KAZN: variants seen among roughly 807,000 people sequenced by gnomAD.
KAZN encodes the protein kazrin, periplakin interacting protein.
Under a neutral mutation model 87.4 loss-of-function variants are expected in KAZN, and 40 were observed. That is an observed-to-expected ratio of 0.46 (90% CI 0.36 to 0.60). KAZN has a LOEUF of 0.60. KAZN is among the 20% of genes least tolerant of loss of function. KAZN has a pLI of 0.00. For missense variants in KAZN, 898 were observed against 1,073.9 expected, an observed-to-expected ratio of 0.84 and a Z score of 2.29; for synonymous variants, 466 against 458.3, an observed-to-expected ratio of 1.02 and a Z score of -0.22.
intron 1 of KAZN, among the ~76,000 whole-genome samples, chr1:14,651,009 A>C (rs1638324612): frequency 6.6e-6 from 1 of 152,122 alleles, no homozygotes; most frequent in Non-Finnish European, 1.5e-5. Context: ...CTTTCCTAAA[A>C]CTCCATGAAT....
intron 2 of KAZN, among the ~76,000 whole-genome samples, chr1:14,429,221 C>T (rs1665909357): frequency 6.6e-6 from 1 of 152,124 alleles, no homozygotes; most frequent in East Asian, 1.9e-4. Flanking sequence ...AGGGTGAAAT[C>T]CCATCAGCAT....
At chr1:14,031,416 C>G (rs1253569942) in intron 1 of KAZN, among the ~76,000 whole-genome samples, 1 of 152,168 alleles carries the variant, frequency 6.6e-6, no homozygotes, top group Non-Finnish European at 1.5e-5. Context: ...GAAGATGTTG[C>G]GGGCAACCAG....
chr1:14,241,012 G>T (rs752037134), intron 2 of KAZN, among the ~76,000 whole-genome samples: 11 of 152,218 alleles, frequency 7.2e-5, no homozygotes, highest in Non-Finnish European at 1.2e-4. Context: ...TGTAAAGTGA[G>T]GATCACAATG....
chr1:14,189,822 C>A (rs1422908975), intron 2 of KAZN, among the ~76,000 whole-genome samples: 1 of 152,096 alleles, frequency 6.6e-6, no homozygotes, highest in African/African-American at 2.4e-5. Context: ...ATCTATCACA[C>A]AAACAAATCA....
At chr1:14,194,792 G>A (rs574815020) in intron 2 of KAZN, among the ~76,000 whole-genome samples, 2 of 152,250 alleles carry the variant, frequency 1.3e-5, no homozygotes, top group South Asian at 4.1e-4. Context: ...AGGGGAGGGG[G>A]ACATGAGCCA....
intron 2 of KAZN, among the ~76,000 whole-genome samples, chr1:14,266,636 G>A (rs1467308262): frequency 6.6e-6 from 1 of 152,182 alleles, no homozygotes; most frequent in African/African-American, 2.4e-5. Flanking sequence ...GTCAATGGTA[G>A]TCACAGCCAA....
At chr1:14,345,886 T>G (rs1417968) in intron 2 of KAZN, among the ~76,000 whole-genome samples, 1 of 152,156 alleles carries the variant, frequency 6.6e-6, no homozygotes, top group Non-Finnish European at 1.5e-5. Flanking sequence ...GGAAATAACA[T>G]GAGTGAAAAG....
intron 2 of KAZN, among the ~76,000 whole-genome samples, chr1:14,490,948 C>A (rs976911315): frequency 2.6e-5 from 4 of 152,088 alleles, no homozygotes; most frequent in Non-Finnish European, 4.4e-5. Context: ...AAAAATAAAT[C>A]CAAAGACTAT....
chr1:13,985,569 G>T (rs1368282795), intron 1 of KAZN, among the ~76,000 whole-genome samples: 1 of 110,420 alleles, frequency 9.1e-6, no homozygotes, highest in Admixed American at 1.1e-4. Context: ...GGTGGGGGGA[G>T]GGGGGAGGGA....
At chr1:14,645,468 G>A (rs1680743524) in intron 1 of KAZN, among the ~76,000 whole-genome samples, 1 of 152,104 alleles carries the variant, frequency 6.6e-6, no homozygotes, top group African/African-American at 2.4e-5. Context: ...TGTCTTCTCT[G>A]ATTTCTTTGA....
chr1:13,912,997 T>C (rs189284218), intron 1 of KAZN, among the ~76,000 whole-genome samples: 159 of 152,354 alleles, frequency 1.0e-3, no homozygotes, highest in South Asian at 3.3e-3. Context: ...GCATCCTGCA[T>C]GGCCCCTAAG....
At chr1:14,016,747 T>C (rs1640591277) in intron 1 of KAZN, among the ~76,000 whole-genome samples, 1 of 152,172 alleles carries the variant, frequency 6.6e-6, no homozygotes, top group African/African-American at 2.4e-5. Flanking sequence ...CAAGAGCTGG[T>C]GTGTCACTGA....
intron 1 of KAZN, among the ~76,000 whole-genome samples, chr1:14,714,777 T>C (rs1642691320): frequency 6.7e-6 from 1 of 148,162 alleles, no homozygotes. Flanking sequence ...ATTTTTCTTT[T>C]TTCTTTTTCT....
intron 2 of KAZN, among the ~76,000 whole-genome samples, chr1:14,962,579 T>A (rs1406424679): frequency 6.6e-6 from 1 of 152,162 alleles, no homozygotes; most frequent in Non-Finnish European, 1.5e-5. Context: ...GTCTCGGGAA[T>A]CTCCCACAAG....
At chr1:14,472,159 T>C (rs1170603779) in intron 2 of KAZN, among the ~76,000 whole-genome samples, 1 of 152,220 alleles carries the variant, frequency 6.6e-6, no homozygotes, top group Non-Finnish European at 1.5e-5. Flanking sequence ...TCATGAGGGC[T>C]CTGCCCTCAT....
chr1:14,277,866 G>A (rs1281920260), intron 2 of KAZN, among the ~76,000 whole-genome samples: 1 of 151,992 alleles, frequency 6.6e-6, no homozygotes, highest in South Asian at 2.1e-4. Context: ...TTCACCTACT[G>A]CATTAGGGGT....
At chr1:14,548,621 TC>T (rs2148507568) in intron 2 of KAZN, among the ~76,000 whole-genome samples, 1 of 152,366 alleles carries the variant, frequency 6.6e-6, no homozygotes, top group East Asian at 1.9e-4. Flanking sequence ...GTGACTTGTT[TC>T]TAAGCTCAAT....
At chr1:14,350,287 A>C (rs1658442418) in intron 2 of KAZN, among the ~76,000 whole-genome samples, 1 of 152,158 alleles carries the variant, frequency 6.6e-6, no homozygotes, top group South Asian at 2.1e-4. Flanking sequence ...CTGATTACCC[A>C]TGACCTTGGG....
chr1:14,805,345 G>A (rs1646173976), intron 1 of KAZN, among the ~76,000 whole-genome samples: 1 of 152,212 alleles, frequency 6.6e-6, no homozygotes, highest in Non-Finnish European at 1.5e-5. Flanking sequence ...GGGGAGAGGG[G>A]AGGTAGAGGC....
Sources: gnomAD v4.1 joint callset for allele counts (sites outside exome capture counted in the v4.1 genomes callset) on GRCh38, gnomAD v4.1.1 for gene constraint, MANE v1.5 for transcripts, NCBI Gene and HGNC (gene_info 2026-07-23, HGNC 2026-07-21) for gene names.